Variants in PTPRZ1 observed in about 807,000 individuals in gnomAD.
PTPRZ1 encodes receptor-type tyrosine-protein phosphatase zeta.
PTPRZ1 carries 82 observed loss-of-function variants against 214.1 expected under a neutral mutation model. That is an observed-to-expected ratio of 0.38 (90% confidence interval 0.32 to 0.46). The LOEUF is 0.46. Ranked by LOEUF, PTPRZ1 falls within the 20% of genes least tolerant of loss-of-function variation. The pLI is 1.00. For synonymous variants in PTPRZ1, 945 were observed against 987.9 expected (o/e 0.96, Z 0.81); for missense variants, 2,603 against 2,748.7 (o/e 0.95, Z 1.19).
At chr7:122,005,192 G>C (rs1192960582) in intron 11 of PTPRZ1, among the ~76,000 whole-genome samples, 1 of 151,794 alleles carries the variant, frequency 6.6e-6, no homozygotes, top group Non-Finnish European at 1.5e-5. Flanking sequence ...CTTATACTAC[G>C]AGTAGTCTAT....
rs542314689 is a variant in PTPRZ1, at chr7:121,901,960, A to G, written c.59-26196A>G. Among the ~76,000 whole-genome samples, 26 of 152,328 alleles carry G rather than the reference A, an allele frequency of 1.7e-4. No individual in the cohort carries two copies. In the South Asian group the frequency reaches 5.4e-3, roughly 32 times the overall value. ...TAGAACACCAGGATTTATTTGTCCTATCTGACTGTAACTTTGTACCTGTTG... is the reference window on the plus strand; with the variant it reads ...TAGAACACCAGGATTTATTTGTCCTGTCTGACTGTAACTTTGTACCTGTTG... On this transcript the variant is annotated intron_variant, in intron 1 of 29. Transcript: ENST00000393386.
intron 2 of PTPRZ1, among the ~76,000 whole-genome samples, chr7:121,929,496 C>T (rs1795859710): frequency 9.1e-6 from 1 of 109,842 alleles, no homozygotes; most frequent in South Asian, 3.4e-4. Context: ...ATGCAATTAC[C>T]GAGTAGGAAA....
chr7:121,912,525 A>G (rs1204698299), intron 1 of PTPRZ1, among the ~76,000 whole-genome samples: 1 of 152,194 alleles, frequency 6.6e-6, no homozygotes, highest in Non-Finnish European at 1.5e-5. Flanking sequence ...GACAGCTACC[A>G]TTTGAAAAAT....
intron 6 of PTPRZ1, among the ~76,000 whole-genome samples, chr7:121,980,354 T>C (rs935032641): frequency 6.6e-6 from 1 of 152,152 alleles, no homozygotes. Flanking sequence ...ACAACACTTT[T>C]CTAGTATTGA....
rs185101280 is a variant in PTPRZ1, at chr7:122,061,266, T to C, written c.*46T>C. The stretch of plus-strand genomic sequence containing the variant: ...CTCACATCTGAGCATTGTTTTCCTC[T>C]TCCTAAAATTAGGCAGGAAAATCAG... On this transcript the variant is annotated 3_prime_UTR_variant, in exon 30 of 30. Coordinates refer to ENST00000393386, the MANE Select transcript of PTPRZ1 (RefSeq NM_002851.3). The C allele has an allele frequency of 2.7e-6, 4 of 1,460,030 alleles. No homozygotes were observed. The highest frequency in any genetic ancestry group is 3.7e-6 in the Non-Finnish European group (4 of 1,086,954). 90.4% of individuals were successfully genotyped at this position (1,460,030 alleles called of 1,614,324 possible).
intron 1 of PTPRZ1, among the ~76,000 whole-genome samples, chr7:121,920,536 T>C (rs1351120035): frequency 1.3e-5 from 2 of 152,292 alleles, no homozygotes; most frequent in East Asian, 3.9e-4. Context: ...CACTGAGCAG[T>C]CAACATTGGG....
chr7:121,912,099 C>T (rs1362919756), intron 1 of PTPRZ1, among the ~76,000 whole-genome samples: 2 of 151,934 alleles, frequency 1.3e-5, no homozygotes, highest in East Asian at 1.9e-4. Context: ...TGAAGATGTC[C>T]GTAATTGAAC....
chr7:121,931,071 G>A lies in PTPRZ1; in HGVS notation c.124+2850G>A, dbSNP rs886100878. Among the ~76,000 whole-genome samples, 12 of 152,220 alleles carry A rather than the reference G, an allele frequency of 7.9e-5. No homozygotes were observed. In the South Asian group the frequency reaches 1.2e-3, roughly 16 times the overall value. On this transcript the variant is annotated intron_variant, in intron 2 of 29. Coordinates refer to ENST00000393386, the MANE Select transcript of PTPRZ1 (RefSeq NM_002851.3). ...TTGTGGTTTCGGAATGCTACTTCCA[G>A]GATAAGCTTTTCCCCAAGAGGTTCT... is the stretch of plus-strand genomic sequence containing the variant.
At chr7:121,995,335 G>A (rs906372440) in intron 8 of PTPRZ1, among the ~76,000 whole-genome samples, 2 of 152,160 alleles carry the variant, frequency 1.3e-5, no homozygotes, top group Non-Finnish European at 2.9e-5. Flanking sequence ...CTGAAAACAA[G>A]TAAGTATATT....
chr7:121,876,478 G>C (rs74949442), intron 1 of PTPRZ1, among the ~76,000 whole-genome samples: 1 of 152,234 alleles, frequency 6.6e-6, no homozygotes, highest in East Asian at 1.9e-4. Flanking sequence ...ACTGCTTTAA[G>C]AGCCACATTA....
At chr7:121,926,982 A>C (rs1385940359) in intron 1 of PTPRZ1, among the ~76,000 whole-genome samples, 4 of 152,186 alleles carry the variant, frequency 2.6e-5, no homozygotes, top group Non-Finnish European at 5.9e-5. Flanking sequence ...CATTTCTGAT[A>C]GCTGGCCTGC....
chr7:121,880,898 G>T (rs541589073), intron 1 of PTPRZ1, among the ~76,000 whole-genome samples: 94 of 152,286 alleles, frequency 6.2e-4, no homozygotes, highest in African/African-American at 2.2e-3. Context: ...CCCTTGAGGA[G>T]CATGTGGGAT....
intron 12 of PTPRZ1, 146 bp downstream of exon 12, chr7:122,014,035 T>G (rs1393393190): frequency 3.0e-6 from 2 of 666,642 alleles, no homozygotes; most frequent in African/African-American, 3.7e-5. Context: ...AGTCTCCAGT[T>G]TCTGAAGTAT....
intron 1 of PTPRZ1, among the ~76,000 whole-genome samples, chr7:121,909,965 A>G (rs1251975656): frequency 1.3e-5 from 2 of 152,222 alleles, no homozygotes; most frequent in African/African-American, 4.8e-5. Flanking sequence ...TGTCTAACAA[A>G]AAAGTAAATA....
intron 1 of PTPRZ1, among the ~76,000 whole-genome samples, chr7:121,879,886 C>CT (rs1385522209): frequency 1.4e-5 from 2 of 146,722 alleles, no homozygotes; most frequent in African/African-American, 5.0e-5. Context: ...TTTTCTTTTT[C>CT]TTTTTTTGTT....
Position 122,042,605 on chromosome 7 carries a change from C to T in PTPRZ1, c.5802-3C>T, listed in dbSNP as rs775326468. The T allele has an allele frequency of 1.9e-6, 3 of 1,578,196 alleles. No individual in the cohort carries two copies. The East Asian group carries it at 6.8e-5, about 36-fold the overall frequency. The stretch of plus-strand genomic sequence containing the variant: ...AATATTTATTTCTTGGTCTTCTCTT[C>T]AGTGCTGGAGTTGGAAGAACAGGCA... On this transcript the variant is annotated splice_region_variant and splice_polypyrimidine_tract_variant and intron_variant, in intron 21 of 29. Coordinates refer to ENST00000393386, the MANE Select transcript of PTPRZ1 (RefSeq NM_002851.3).
chr7:122,012,030 A>G lies in PTPRZ1; in HGVS notation c.2984A>G (p.Glu995Gly). 6.2e-7 allele frequency: 1 copy of G among 1,614,180 alleles called. No homozygotes were observed. Among genetic ancestry groups the G allele is most frequent in the Middle Eastern group, 1.6e-4 (1 of 6,062 alleles). The change falls in exon 12 of 30, where the codon GAA becomes GGA. Residue 995 changes from glutamate (E) to glycine (G), a missense_variant. Glu to Gly is a moderately conservative substitution (Grantham distance 98). Around this residue, in one of 6 missense-constraint regions of PTPRZ1, gnomAD observed 1,913 missense variants for 1,914.3 expected, o/e 1.00. Coordinates refer to ENST00000393386, the MANE Select transcript of PTPRZ1 (RefSeq NM_002851.3). ...QPTHALSGDG[E>G]WSGASSDSEF... Reference sequence around the variant, plus strand: ...ACTCATGCCCTCTCTGGTGATGGGGAATGGTCTGGAGCCTCTTCTGATAGT... The same window carrying G: ...ACTCATGCCCTCTCTGGTGATGGGGGATGGTCTGGAGCCTCTTCTGATAGT...
chr7:121,990,124 T>C (rs909979084), intron 8 of PTPRZ1, among the ~76,000 whole-genome samples: 3 of 152,204 alleles, frequency 2.0e-5, no homozygotes, highest in African/African-American at 7.2e-5. Flanking sequence ...TTTGCCATTA[T>C]AAATATCTAA....
rs1321996401 is a variant in PTPRZ1 at position 122,054,932 on chromosome 7, A to G, written c.6382-9A>G. Reference sequence around the variant, plus strand: ...AATCTAGACTCTTCTTTCATTTGCAATTCTGCAGGCAGAAGATGAATTTGT... The same window carrying G: ...AATCTAGACTCTTCTTTCATTTGCAGTTCTGCAGGCAGAAGATGAATTTGT... On this transcript the variant is annotated splice_polypyrimidine_tract_variant and intron_variant, in intron 26 of 29. Transcript: ENST00000393386. 3.2e-6 allele frequency: 5 copies of G among 1,580,966 alleles called. No individual in the cohort carries two copies. Among genetic ancestry groups the G allele is most frequent in the East Asian group, 4.6e-5 (2 of 43,474 alleles).
Sources: gnomAD v4.1 joint callset for allele counts (sites outside exome capture counted in the v4.1 genomes callset) on GRCh38, gnomAD v4.1.1 for gene constraint, gnomAD v4.1.1 regional missense constraint, MANE v1.5 for transcripts, NCBI Gene and HGNC (gene_info 2026-07-23, HGNC 2026-07-21) for gene names.